Variants in CNR2 observed in about 807,000 individuals in gnomAD.
CNR2 encodes the protein cannabinoid receptor 2 (macrophage).
For synonymous variants in CNR2, 172 were observed against 182.2 expected (o/e 0.94, Z 0.45); for missense variants, 379 against 439.9 (o/e 0.86, Z 1.24).
At chr1:23,886,188 CAA>C (rs71026697) in intron 1 of CNR2, among the ~76,000 whole-genome samples, 41 of 130,390 alleles carry the variant, frequency 3.1e-4, no homozygotes, top group Admixed American at 4.9e-4. Context: ...GACTCTATTT[CAA>C]AAAAAAAAAA....
chr1:23,887,829 A>G (rs199784532), intron 1 of CNR2, among the ~76,000 whole-genome samples: 1 of 140,408 alleles, frequency 7.1e-6, no homozygotes, highest in Admixed American at 7.5e-5. Flanking sequence ...TAAAAAAAAA[A>G]TTTAAGTAGC....
chr1:23,911,213 A>G (rs1258683894), intron 1 of CNR2, among the ~76,000 whole-genome samples: 2 of 151,344 alleles, frequency 1.3e-5, no homozygotes, highest in African/African-American at 2.4e-5. Context: ...AGGGGAGAGG[A>G]GAGATTGTCC....
intron 1 of CNR2, among the ~76,000 whole-genome samples, chr1:23,880,149 C>G (rs1174890831): frequency 3.3e-5 from 5 of 149,626 alleles, no homozygotes; most frequent in Non-Finnish European, 7.4e-5. Flanking sequence ...CCCTGACTAC[C>G]CCATGTAATA....
At chr1:23,895,387 G>A (rs767722362) in intron 1 of CNR2, among the ~76,000 whole-genome samples, 7 of 152,182 alleles carry the variant, frequency 4.6e-5, no homozygotes, top group African/African-American at 4.8e-5. Flanking sequence ...GAAGGCTCAC[G>A]GCTATTATGT....
chr1:23,893,215 C>G (rs1640218380), intron 1 of CNR2, among the ~76,000 whole-genome samples: 1 of 152,206 alleles, frequency 6.6e-6, no homozygotes, highest in Non-Finnish European at 1.5e-5. Context: ...TCTGGATTCA[C>G]TCAGTCTCCC....
chr1:23,912,940 G>A (rs2148473752), intron 1 of CNR2, among the ~76,000 whole-genome samples: 1 of 152,314 alleles, frequency 6.6e-6, no homozygotes, highest in Middle Eastern at 3.4e-3. Flanking sequence ...GCCAAGGTGG[G>A]CAGATCACCT....
intron 1 of CNR2, among the ~76,000 whole-genome samples, chr1:23,888,439 G>A (rs1640127979): frequency 6.6e-6 from 1 of 152,236 alleles, no homozygotes; most frequent in Non-Finnish European, 1.5e-5. Flanking sequence ...CTTACCCTGG[G>A]TCCATGGGTA....
chr1:23,900,459 T>C (rs986537179), intron 1 of CNR2, among the ~76,000 whole-genome samples: 27 of 151,252 alleles, frequency 1.8e-4, no homozygotes, highest in African/African-American at 6.3e-4. Context: ...CGGAGGGGCA[T>C]GGGGTCTCTC....
intron 1 of CNR2, chr1:23,902,808 C>T: frequency 7.0e-7 from 1 of 1,420,236 alleles, no homozygotes; most frequent in Non-Finnish European, 9.1e-7. Flanking sequence ...GGCGCGGGGG[C>T]GCGGTGCAGG....
chr1:23,906,507 CT>C (rs66559631), intron 1 of CNR2, among the ~76,000 whole-genome samples: 124,679 of 141,228 alleles, frequency 0.88, 56,860 homozygotes, highest in South Asian at 0.99. Flanking sequence ...TTTTCTCTAA[CT>C]TTTTTTTTTT....
At position 23,873,048 on chromosome 1, in the gene CNR2, G is replaced by A. The variant is rs928264033; in HGVS notation, c.*1487C>T. 1 of 152,146 alleles carries A rather than the reference G, an allele frequency of 6.6e-6. No homozygotes were observed. Among genetic ancestry groups the A allele is most frequent in the Admixed American group, 6.5e-5 (1 of 15,272 alleles). 9.4% of individuals were successfully genotyped at this position (152,146 alleles called of 1,614,324 possible). A position where few individuals can be genotyped will look rare whatever the true frequency, so the allele number is the denominator to read the frequency against. On this transcript the variant is annotated 3_prime_UTR_variant, in exon 2 of 2. Transcript: ENST00000374472. ...TAAGTGAATAGCTAGTGGATATTTTGTCTTGAAAGTATTAAACGAAGACAT... is the reference window on the plus strand; with the variant it reads ...TAAGTGAATAGCTAGTGGATATTTTATCTTGAAAGTATTAAACGAAGACAT...
chr1:23,902,238 T>A, intron 1 of CNR2: 1 of 1,349,040 alleles, frequency 7.4e-7, no homozygotes, highest in South Asian at 1.3e-5. Flanking sequence ...GACAATGATC[T>A]CCAACGTCTG....
chr1:23,874,626 T>G lies in CNR2; in HGVS notation c.992A>C (p.Glu331Ala). ...CTCGGTGACTGAGGATCTCGGGGCT[T>G]CTTCTTTTGCCTCTGACCCAAGGCC... is the stretch of plus-strand genomic sequence containing the variant. ...VRGLGSEAKE[E>A]APRSSVTETE... Residue 331 changes from glutamate (E) to alanine (A), a missense_variant, in exon 2 of 2, where the codon GAA becomes GCA. Glu to Ala is a moderately radical substitution (Grantham distance 107). Transcript: ENST00000374472. 1 of 1,614,128 alleles carries G rather than the reference T, an allele frequency of 6.2e-7. No homozygotes were observed. Among genetic ancestry groups the G allele is most frequent in the Non-Finnish European group, 8.5e-7 (1 of 1,180,028 alleles).
rs1570697090 is a variant in CNR2 at position 23,873,778 on chromosome 1, A to G, written c.*757T>C. ...TTTCTTCGAGTTAGGTTAGACTAGGACATTGCCTGCTTCCAGCAGCACCAC... is the reference window on the plus strand; with the variant it reads ...TTTCTTCGAGTTAGGTTAGACTAGGGCATTGCCTGCTTCCAGCAGCACCAC... On this transcript the variant is annotated 3_prime_UTR_variant, in exon 2 of 2. Coordinates refer to ENST00000374472, the MANE Select transcript of CNR2 (RefSeq NM_001841.3). The G allele has an allele frequency of 6.6e-6, 1 of 152,128 alleles. No individual in the cohort carries two copies. Among genetic ancestry groups the G allele is most frequent in the East Asian group, 1.9e-4 (1 of 5,172 alleles). 9.4% of individuals were successfully genotyped at this position (152,128 alleles called of 1,614,324 possible).
intron 1 of CNR2, among the ~76,000 whole-genome samples, chr1:23,885,896 CGG>C (rs1184894607): frequency 9.2e-5 from 1 of 10,880 alleles, no homozygotes; most frequent in Non-Finnish European, 2.8e-4. Context: ...AAAAGGGTGG[CGG>C]CGGGGGGGTG....
rs1252107281 is a variant in CNR2, at chr1:23,874,536, C to T, written c.1082G>A (p.Ter361=). Residue 361 remains the stop codon, a stop_retained_variant, in exon 2 of 2, where the codon TGA becomes TAA. Coordinates refer to ENST00000374472, the MANE Select transcript of CNR2 (RefSeq NM_001841.3). ...TGTTTAAATTGGGAAGAGGCCTCAT[C>T]AGCAATCAGAGAGGTCTAGATCTCT... ...DSRDLDLSDC[*] is the part of the protein sequence containing the mutation. 1 of 1,609,752 alleles carries T rather than the reference C, an allele frequency of 6.2e-7. No individual in the cohort carries two copies. The highest frequency in any genetic ancestry group is 1.7e-5 in the Admixed American group (1 of 59,324).
At chr1:23,894,421 CAAAAAA>C (rs113493988) in intron 1 of CNR2, among the ~76,000 whole-genome samples, 1 of 148,056 alleles carries the variant, frequency 6.8e-6, no homozygotes, top group Non-Finnish European at 1.5e-5. Context: ...AACTCTGTCT[CAAAAAA>C]AAAAAATTTT....
At chr1:23,905,250 G>A (rs1276447476) in intron 1 of CNR2, among the ~76,000 whole-genome samples, 3 of 147,734 alleles carry the variant, frequency 2.0e-5, no homozygotes, top group African/African-American at 5.1e-5. Flanking sequence ...AGTGCATCTC[G>A]GCTCACTGCA....
intron 1 of CNR2, among the ~76,000 whole-genome samples, chr1:23,904,956 C>T (rs1474990847): frequency 1.3e-5 from 2 of 152,136 alleles, no homozygotes; most frequent in East Asian, 3.9e-4. Flanking sequence ...GCCCCTACCC[C>T]AGCCATGATT....
Sources: allele counts gnomAD v4.1 joint callset (sites outside exome capture counted in the v4.1 genomes callset), GRCh38; gene constraint gnomAD v4.1.1; transcripts MANE v1.5; gene names NCBI Gene and HGNC (gene_info 2026-07-23, HGNC 2026-07-21).